The following DENND5A variants were observed in gnomAD, a reference collection of about 807,000 sequenced individuals.
DENND5A encodes the protein DENN domain-containing protein 5A.
In DENND5A, 64 loss-of-function variants were observed where a neutral mutation model predicts 140.3. The ratio of observed to expected loss-of-function variants is 0.46; its 90% CI spans 0.37 to 0.56. The LOEUF is 0.56. Ranked by LOEUF, DENND5A falls within the 20% of genes least tolerant of loss-of-function variation. DENND5A has a pLI of 0.00. For missense variants in DENND5A, 1,292 were observed against 1,593.8 expected, an observed-to-expected ratio of 0.81 and a Z score of 3.22; for synonymous variants, 605 against 607.7, an observed-to-expected ratio of 1.00 and a Z score of 0.07.
intron 1 of DENND5A, among the ~76,000 whole-genome samples, chr11:9,240,164 T>G (rs921491845): frequency 6.6e-6 from 1 of 152,118 alleles, no homozygotes; most frequent in Non-Finnish European, 1.5e-5. Flanking sequence ...TCCCAGCATT[T>G]TGGGAGGCCA....
Position 9,203,031 on chromosome 11 carries a change from T to C in DENND5A, c.949+629A>G, listed in dbSNP as rs183525985. Among the ~76,000 whole-genome samples the C allele has an allele frequency of 4.2e-4, 64 of 152,346 alleles. 1 individual carries two copies. The highest frequency in any genetic ancestry group is 3.9e-3 in the Admixed American group (60 of 15,302). ...CCACTATAGCAACAATTTTTCTGTC[T>C]TGTCCACCACTACCCTTGAAACAAT... On this transcript the variant is annotated intron_variant, in intron 4 of 22. Coordinates refer to ENST00000328194, the MANE Select transcript of DENND5A (RefSeq NM_015213.4).
At chr11:9,256,809 A>G (rs1851965485) in intron 1 of DENND5A, among the ~76,000 whole-genome samples, 1 of 152,216 alleles carries the variant, frequency 6.6e-6, no homozygotes, top group Non-Finnish European at 1.5e-5. Context: ...ATACATTTCA[A>G]AATGGATTGT....
intron 2 of DENND5A, 84 bp downstream of exon 2, chr11:9,207,477 C>T: frequency 9.6e-7 from 1 of 1,044,126 alleles, no homozygotes. Flanking sequence ...GTTAGAAGGT[C>T]AAAGGTTACA....
chr11:9,178,328 G>T lies in DENND5A; in HGVS notation c.1710C>A (p.Pro570=). Residue 570 remains proline, a synonymous_variant, in exon 8 of 23, where the codon CCC becomes CCA. Coordinates refer to ENST00000328194, the MANE Select transcript of DENND5A (RefSeq NM_015213.4). ...FLSDQPEPYL[P]FLSRFLETQM... Reference sequence around the variant, plus strand: ...GGGTCTCCAGGAATCTTGAGAGGAAGGGCAGGTAGGGCTCAGGCTGATCTG... The same window carrying T: ...GGGTCTCCAGGAATCTTGAGAGGAATGGCAGGTAGGGCTCAGGCTGATCTG... 1 of 1,613,858 alleles carries T rather than the reference G, an allele frequency of 6.2e-7. No homozygotes were observed. The highest frequency in any genetic ancestry group is 8.5e-7 in the Non-Finnish European group (1 of 1,179,864).
At chr11:9,218,198 G>A (rs1850169315) in intron 1 of DENND5A, among the ~76,000 whole-genome samples, 1 of 151,088 alleles carries the variant, frequency 6.6e-6, no homozygotes, top group Admixed American at 6.6e-5. Flanking sequence ...GGCAGAGGCT[G>A]CAGTGAGCTG....
At chr11:9,158,166 A>G (rs1203826573) in intron 12 of DENND5A, among the ~76,000 whole-genome samples, 1 of 152,254 alleles carries the variant, frequency 6.6e-6, no homozygotes, top group Non-Finnish European at 1.5e-5. Flanking sequence ...ACAAACATCC[A>G]AAGAGCCAGA....
chr11:9,169,803 G>T, intron 10 of DENND5A, 53 bp downstream of exon 10: 3 of 1,071,554 alleles, frequency 2.8e-6, no homozygotes, highest in Non-Finnish European at 2.9e-6. Context: ...AGAAAGAGAA[G>T]GAGTGCACAG....
chr11:9,229,792 T>C (rs1241741093), intron 1 of DENND5A, among the ~76,000 whole-genome samples: 4 of 151,992 alleles, frequency 2.6e-5, no homozygotes, highest in Admixed American at 6.6e-5. Context: ...ACCCTTTGTC[T>C]ACTAACATTT....
chr11:9,204,986 T>G (rs1849647548), intron 3 of DENND5A, among the ~76,000 whole-genome samples: 1 of 152,308 alleles, frequency 6.6e-6, no homozygotes, highest in East Asian at 1.9e-4. Context: ...TGGTAGGTGG[T>G]TAAGCATGAC....
At position 9,246,006 on chromosome 11, in the gene DENND5A, T is replaced by G. The variant is rs114089709; in HGVS notation, c.109+18955A>C. 3.8e-3 allele frequency among the ~76,000 whole-genome samples: 575 copies of G among 152,224 alleles called. 6 individuals are homozygous for G. The highest frequency in any genetic ancestry group is 0.013 in the African/African-American group (555 of 41,544). On this transcript the variant is annotated intron_variant, in intron 1 of 22. Coordinates refer to ENST00000328194, the MANE Select transcript of DENND5A (RefSeq NM_015213.4). ...ATAAAGTACGTTTTTCTACCAAAGTTAAGAAATTTGCCTACCTGACTCTGA... is the reference window on the plus strand; with the variant it reads ...ATAAAGTACGTTTTTCTACCAAAGTGAAGAAATTTGCCTACCTGACTCTGA...
At chr11:9,236,776 G>C (rs1433019836) in intron 1 of DENND5A, among the ~76,000 whole-genome samples, 1 of 151,522 alleles carries the variant, frequency 6.6e-6, no homozygotes, top group African/African-American at 2.4e-5. Context: ...AAGGAAGGAA[G>C]GAAGGAAGAC....
At chr11:9,176,573 A>C (rs1295936670) in intron 8 of DENND5A, among the ~76,000 whole-genome samples, 1 of 152,212 alleles carries the variant, frequency 6.6e-6, no homozygotes, top group Admixed American at 6.5e-5. Flanking sequence ...AAAATGAGTA[A>C]ATACAATCTC....
At chr11:9,187,912 T>C (rs1235671319) in intron 5 of DENND5A, among the ~76,000 whole-genome samples, 1 of 152,176 alleles carries the variant, frequency 6.6e-6, no homozygotes, top group Admixed American at 6.5e-5. Context: ...TGAATTCTGA[T>C]TTGGTGGGCT....
intron 12 of DENND5A, among the ~76,000 whole-genome samples, chr11:9,156,229 C>T (rs1042122149): frequency 1.3e-5 from 2 of 152,166 alleles, no homozygotes; most frequent in African/African-American, 4.8e-5. Context: ...AGCATTAACG[C>T]CATGCCAGCA....
chr11:9,244,073 T>C (rs901601455), intron 1 of DENND5A, among the ~76,000 whole-genome samples: 8 of 152,170 alleles, frequency 5.3e-5, no homozygotes, highest in African/African-American at 1.9e-4. Flanking sequence ...AAAAGTTACT[T>C]GTGGATTTTC....
chr11:9,143,141 A>T, intron 20 of DENND5A: 1 of 585,524 alleles, frequency 1.7e-6, no homozygotes, highest in Non-Finnish European at 3.0e-6. Context: ...AATCTAGAAG[A>T]GGACAGGAAT....
chr11:9,232,751 C>A (rs752089587), intron 1 of DENND5A, among the ~76,000 whole-genome samples: 1 of 152,060 alleles, frequency 6.6e-6, no homozygotes, highest in South Asian at 2.1e-4. Flanking sequence ...GCCATGTTCA[C>A]GAAAAGGCAC....
intron 1 of DENND5A, among the ~76,000 whole-genome samples, chr11:9,255,217 G>A (rs1851894479): frequency 6.6e-6 from 1 of 152,214 alleles, no homozygotes; most frequent in African/African-American, 2.4e-5. Flanking sequence ...TATGAATAAA[G>A]TGGAATTCTC....
intron 1 of DENND5A, among the ~76,000 whole-genome samples, chr11:9,249,406 C>G (rs1218601720): frequency 6.6e-6 from 1 of 152,118 alleles, no homozygotes; most frequent in African/African-American, 2.4e-5. Context: ...AGCTATGCTG[C>G]CCAGGCTGGA....
Sources: gnomAD v4.1 joint callset for allele counts (sites outside exome capture counted in the v4.1 genomes callset) on GRCh38, gnomAD v4.1.1 for gene constraint, MANE v1.5 for transcripts, NCBI Gene and HGNC (gene_info 2026-07-23, HGNC 2026-07-21) for gene names.